The following OSM variants were observed in gnomAD, a reference collection of about 807,000 sequenced individuals.
The protein encoded by OSM is oncostatin-M.
Under a neutral mutation model 6.3 loss-of-function variants are expected in OSM, and 1 was observed. That is an observed-to-expected ratio of 0.16 (90% CI 0.06 to 0.76). The LOEUF (loss-of-function observed/expected upper bound fraction) is 0.76. Among genes scored for constraint, OSM ranks in the 30% least tolerant of loss-of-function variants. The pLI is 0.77. For synonymous variants in OSM, 135 were observed against 143.4 expected, an observed-to-expected ratio of 0.94 and a Z score of 0.42; for missense variants, 324 against 336.9, an observed-to-expected ratio of 0.96 and a Z score of 0.30.
chr22:30,265,038 A>T lies in OSM; in HGVS notation c.141T>A (p.Asp47Glu), dbSNP rs1287685649. 6.2e-7 allele frequency: 1 copy of T among 1,614,064 alleles called. No individual in the cohort carries two copies. The highest frequency in any genetic ancestry group is 8.5e-7 in the Non-Finnish European group (1 of 1,180,000). Reference sequence around the variant, plus strand: ...GGAGTCTGCTGGTGTCCTGCATGAGATCTGTCTGCTTCTGGAGCTGGCCAA... The same window carrying T: ...GGAGTCTGCTGGTGTCCTGCATGAGTTCTGTCTGCTTCTGGAGCTGGCCAA... ...VLLGQLQKQTDLMQDTSRLLD... is the reference protein window; with the variant it reads ...VLLGQLQKQTELMQDTSRLLD... Residue 47 changes from aspartate (D) to glutamate (E), a missense_variant, in exon 2 of 3, where the codon GAT (aspartate) becomes GAA (glutamate). By Grantham distance (45) the Asp-to-Glu change is conservative. Coordinates refer to ENST00000215781, the MANE Select transcript of OSM (RefSeq NM_020530.6).
chr22:30,262,909 T>C lies in OSM; in HGVS notation c.*974A>G, dbSNP rs200656591. 2 of 152,706 alleles carry C rather than the reference T, an allele frequency of 1.3e-5. No individual in the cohort carries two copies. The highest frequency in any genetic ancestry group is 2.9e-5 in the Non-Finnish European group (2 of 68,038). The allele number at this position is 152,706 out of a possible 1,614,324, so 9.5% of individuals were successfully genotyped here. A position where few individuals can be genotyped will look rare whatever the true frequency, so the allele number is the denominator to read the frequency against. ...ACATCATAAATAAGGCTTATAAATA[T>C]AAAACTGATAAAAATTGATAAAAAT... On this transcript the variant is annotated 3_prime_UTR_variant, in exon 3 of 3. Transcript: ENST00000215781.
In OSM at chr22:30,266,397, C is replaced by T. The variant is rs1182127624; in HGVS notation, c.34+369G>A. On this transcript the variant is annotated intron_variant, in intron 1 of 2. Transcript: ENST00000215781. The surrounding 1 kb of genome is among the most constrained non-coding windows in gnomAD (Gnocchi z 5.0). Reference sequence around the variant, plus strand: ...TGACTTTCTATTCATCCCGGGCAAGCTGGAGGCCCCACAACCCCTCCACAC... The same window carrying T: ...TGACTTTCTATTCATCCCGGGCAAGTTGGAGGCCCCACAACCCCTCCACAC... Among the ~76,000 whole-genome samples the T allele has an allele frequency of 6.6e-6, 1 of 152,082 alleles. No homozygotes were observed. The highest frequency in any genetic ancestry group is 3.2e-3 in the Middle Eastern group (1 of 316).
rs908080343 is a variant in OSM at position 30,263,793 on chromosome 22, T to C, written c.*90A>G. 5 of 1,094,244 alleles carry C rather than the reference T, an allele frequency of 4.6e-6. No individual in the cohort carries two copies. Among genetic ancestry groups the C allele is most frequent in the Non-Finnish European group, 6.4e-6 (5 of 781,776 alleles). The allele number at this position is 1,094,244 out of a possible 1,614,324, so 67.8% of individuals were successfully genotyped here. A position where few individuals can be genotyped will look rare whatever the true frequency, so the allele number is the denominator to read the frequency against. On this transcript the variant is annotated 3_prime_UTR_variant, in exon 3 of 3. Transcript: ENST00000215781. ...TGGCTAGTAGCAGAGGGGAACAGGT[T>C]TGGGGACCCGGGAGCTGTCATCCTG...
At position 30,263,721 on chromosome 22, in the gene OSM, G is replaced by C. The variant is rs922321021; in HGVS notation, c.*162C>G. On this transcript the variant is annotated 3_prime_UTR_variant, in exon 3 of 3. Coordinates refer to ENST00000215781, the MANE Select transcript of OSM (RefSeq NM_020530.6). Reference sequence around the variant, plus strand: ...TGACTCTGTCTCCCAGCCTGGAGGAGGTAGAGGGGTCTGCCCAGCTCCCAC... The same window carrying C: ...TGACTCTGTCTCCCAGCCTGGAGGACGTAGAGGGGTCTGCCCAGCTCCCAC... The C allele has an allele frequency of 2.0e-6, 1 of 498,504 alleles. No individual in the cohort carries two copies. Among genetic ancestry groups the C allele is most frequent in the Non-Finnish European group, 3.4e-6 (1 of 291,278 alleles). The allele number at this position is 498,504 out of a possible 1,614,324, so 30.9% of individuals were successfully genotyped here.
At position 30,264,369 on chromosome 22, in the gene OSM, G is replaced by T; in HGVS notation, c.273C>A (p.Gly91=). 1 of 1,613,982 alleles carries T rather than the reference G, an allele frequency of 6.2e-7. No homozygotes were observed. The highest frequency in any genetic ancestry group is 8.5e-7 in the Non-Finnish European group (1 of 1,180,008). The change falls in exon 3 of 3, where the codon GGC becomes GGA. Residue 91 remains glycine, a synonymous_variant. Coordinates refer to ENST00000215781, the MANE Select transcript of OSM (RefSeq NM_020530.6). ...FPSEETLRGL[G]RRGFLQTLNA... Reference sequence around the variant, plus strand: ...TGAGGGTCTGCAGGAAGCCCCGCCTGCCCAGCCCCCTCAGGGTCTCCTCAC... The same window carrying T: ...TGAGGGTCTGCAGGAAGCCCCGCCTTCCCAGCCCCCTCAGGGTCTCCTCAC...
At chr22:30,264,866 G>T in intron 2 of OSM, 136 bp downstream of exon 2, 1 of 1,151,646 alleles carries the variant, frequency 8.7e-7, no homozygotes, top group Non-Finnish European at 1.2e-6. Context: ...CAGGGTTAAG[G>T]CTGGAATAAC....
chr22:30,264,938 C>G, intron 2 of OSM, 64 bp downstream of exon 2: 1 of 1,581,324 alleles, frequency 6.3e-7, no homozygotes, highest in Non-Finnish European at 8.6e-7. Context: ...CTCCCTGCTT[C>G]TCACTCCCTT....
chr22:30,266,418 C>T lies in OSM; in HGVS notation c.34+348G>A, dbSNP rs1929393731. ...CAAGCTGGAGGCCCCACAACCCCTC[C>T]ACACCTCACACCACTTCCCTGCCCA... On this transcript the variant is annotated intron_variant, in intron 1 of 2. Transcript: ENST00000215781. The surrounding 1 kb of genome is among the most constrained non-coding windows in gnomAD (Gnocchi z 5.0). 6.6e-6 allele frequency among the ~76,000 whole-genome samples: 1 copy of T among 152,110 alleles called. No homozygotes were observed. The highest frequency in any genetic ancestry group is 2.4e-5 in the African/African-American group (1 of 41,408).
In OSM at chr22:30,266,774, G is replaced by A. The variant is rs5763919; in HGVS notation, c.26C>T (p.Thr9Met). 2,796 of 1,613,294 alleles carry A rather than the reference G, an allele frequency of 1.7e-3. 91 individuals are homozygous for A. The East Asian group carries it at 0.056, about 32-fold the overall frequency. Residue 9 changes from threonine to methionine, a missense_variant, in exon 1 of 3, where the codon ACG becomes ATG. Physicochemically the swap from Thr to Met is moderately conservative, Grantham distance 81. Coordinates refer to ENST00000215781, the MANE Select transcript of OSM (RefSeq NM_020530.6). This position sits in a 1 kb window ranked among gnomAD's most constrained non-coding sequence, Gnocchi z 5.0. MGVLLTQR[T>M]LLSLVLALLF... ...AGGAAGGAAGTACTTACTGAGCAGCGTCCTCTGTGTGAGCAGTACCCCCAT... is the reference window on the plus strand; with the variant it reads ...AGGAAGGAAGTACTTACTGAGCAGCATCCTCTGTGTGAGCAGTACCCCCAT...
rs1418444410 is a variant in OSM, at chr22:30,264,386, T to C, written c.256A>G (p.Thr86Ala). 2 of 1,613,846 alleles carry C rather than the reference T, an allele frequency of 1.2e-6. No homozygotes were observed. Among genetic ancestry groups the C allele is most frequent in the Non-Finnish European group, 1.7e-6 (2 of 1,180,000 alleles). The change falls in exon 3 of 3, where the codon ACC (threonine) becomes GCC (alanine). Residue 86 changes from threonine (T) to alanine (A), a missense_variant. Transcript: ENST00000215781. ...CCCCGCCTGCCCAGCCCCCTCAGGG[T>C]CTCCTCACTGGGGAAGGCCCCGGGG... Reference protein sequence around the residue: ...ERPGAFPSEETLRGLGRRGFL... With the variant: ...ERPGAFPSEEALRGLGRRGFL...
Position 30,263,175 on chromosome 22 carries a change from C to A in OSM, c.*708G>T, listed in dbSNP as rs900706537. 2.0e-5 allele frequency: 3 copies of A among 152,816 alleles called. No individual in the cohort carries two copies. The highest frequency in any genetic ancestry group is 7.2e-5 in the African/African-American group (3 of 41,442). 9.5% of individuals were successfully genotyped at this position (152,816 alleles called of 1,614,324 possible). A position where few individuals can be genotyped will look rare whatever the true frequency, so the allele number is the denominator to read the frequency against. On this transcript the variant is annotated 3_prime_UTR_variant, in exon 3 of 3. Transcript: ENST00000215781. ...TCCTGATTTACAGATTTTTAATATC[C>A]ACCTTACGTCAGGGAATCCAAGCAA...
intron 1 of OSM, chr22:30,265,732 C>T (rs1004904910): frequency 2.6e-5 from 4 of 153,650 alleles, no homozygotes; most frequent in African/African-American, 9.6e-5. Context: ...TCCCCACTTT[C>T]CTGACAGGTA....
chr22:30,264,394 C>T lies in OSM; in HGVS notation c.248G>A (p.Ser83Asn), dbSNP rs200309860. Residue 83 changes from serine (S) to asparagine (N), a missense_variant, in exon 3 of 3, where the codon AGT becomes AAT. Ser to Asn is a conservative substitution (Grantham distance 46). Coordinates refer to ENST00000215781, the MANE Select transcript of OSM (RefSeq NM_020530.6). ...HCRERPGAFP[S>N]EETLRGLGRR... The stretch of plus-strand genomic sequence containing the variant: ...GCCCAGCCCCCTCAGGGTCTCCTCA[C>T]TGGGGAAGGCCCCGGGGCGCTCCCT... 7.4e-6 allele frequency: 12 copies of T among 1,613,976 alleles called. No individual in the cohort carries two copies. Among genetic ancestry groups the T allele is most frequent in the Middle Eastern group, 1.6e-4 (1 of 6,084 alleles).
At position 30,266,817 on chromosome 22, in the gene OSM, C is replaced by T. The variant is rs201346538; in HGVS notation, c.-18G>A. The T allele has an allele frequency of 2.9e-5, 47 of 1,609,362 alleles. No homozygotes were observed. In the East Asian group the frequency reaches 6.8e-4, roughly 23 times the overall value. ...ACCCCCATGCTGGGTGCCCGTGCTC[C>T]GGCCCGCGCCCGCTGGGGGTGACAC... On this transcript the variant is annotated 5_prime_UTR_variant, in exon 1 of 3. Transcript: ENST00000215781. The surrounding 1 kb of genome is among the most constrained non-coding windows in gnomAD (Gnocchi z 5.0).
chr22:30,264,147 G>A lies in OSM; in HGVS notation c.495C>T (p.Pro165=), dbSNP rs201151080. The change falls in exon 3 of 3, where the codon CCC becomes CCT. Residue 165 remains proline (P), a synonymous_variant. Transcript: ENST00000215781. ...GAGAGGCCCCCCGGCCAGCCTTCGT[G>A]GGCTCAGCCGTGTCTGAGTTGTCCA... ...QLLDNSDTAE[P]TKAGRGASQP... The A allele has an allele frequency of 1.9e-6, 3 of 1,613,192 alleles. No individual in the cohort carries two copies. The highest frequency in any genetic ancestry group is 2.7e-5 in the African/African-American group (2 of 74,940).
At chr22:30,265,478 CGGG>C (rs1929367690) in intron 1 of OSM, 2 of 960,892 alleles carry the variant, frequency 2.1e-6, no homozygotes, top group African/African-American at 3.4e-5. Context: ...GTTCTAACCT[CGGG>C]AGCTGACTCT....
rs937521271 is a variant in OSM at position 30,266,707 on chromosome 22, C to T, written c.34+59G>A. ...GGGCAGAGGGTGCCTCTGCTCCCCA[C>T]CGGCACCCGTGGGCAGACCCAGCAG... On this transcript the variant is annotated intron_variant, in intron 1 of 2. Coordinates refer to ENST00000215781, the MANE Select transcript of OSM (RefSeq NM_020530.6). The surrounding 1 kb of genome is among the most constrained non-coding windows in gnomAD (Gnocchi z 5.0). 3.1e-6 allele frequency: 5 copies of T among 1,594,730 alleles called. No individual in the cohort carries two copies. The highest frequency in any genetic ancestry group is 4.5e-5 in the East Asian group (2 of 44,568).
rs202171774 is a variant in OSM at position 30,263,873 on chromosome 22, G to A, written c.*10C>T. 82 of 1,491,234 alleles carry A rather than the reference G, an allele frequency of 5.5e-5. 1 individual carries two copies. The highest frequency in any genetic ancestry group is 7.0e-5 in the Non-Finnish European group (79 of 1,123,406). 92.4% of individuals were successfully genotyped at this position (1,491,234 alleles called of 1,614,324 possible). ...GCCGCATCCTTCACCGGCAAGGGGTGCTCTCGAGGCTACCGGGGCAGCTGT... is the reference window on the plus strand; with the variant it reads ...GCCGCATCCTTCACCGGCAAGGGGTACTCTCGAGGCTACCGGGGCAGCTGT... On this transcript the variant is annotated 3_prime_UTR_variant, in exon 3 of 3. Coordinates refer to ENST00000215781, the MANE Select transcript of OSM (RefSeq NM_020530.6).
chr22:30,263,110 G>T lies in OSM; in HGVS notation c.*773C>A, dbSNP rs763111044. On this transcript the variant is annotated 3_prime_UTR_variant, in exon 3 of 3. Coordinates refer to ENST00000215781, the MANE Select transcript of OSM (RefSeq NM_020530.6). ...TGGGAGGTGGGTCTGCTTTTACAGAGACCTCCGTGTACACCTCCCAGCGCC... is the reference window on the plus strand; with the variant it reads ...TGGGAGGTGGGTCTGCTTTTACAGATACCTCCGTGTACACCTCCCAGCGCC... 6.5e-6 allele frequency: 1 copy of T among 152,732 alleles called. No individual in the cohort carries two copies. The highest frequency in any genetic ancestry group is 1.5e-5 in the Non-Finnish European group (1 of 68,046). 9.5% of individuals were successfully genotyped at this position (152,732 alleles called of 1,614,324 possible).
Sources: gnomAD v4.1 joint callset for allele counts (sites outside exome capture counted in the v4.1 genomes callset) on GRCh38, gnomAD v4.1.1 for gene constraint, Gnocchi (gnomAD v3.1) non-coding constraint, MANE v1.5 for transcripts, NCBI Gene and HGNC (gene_info 2026-07-23, HGNC 2026-07-21) for gene names.